The following BCAS3 variants were observed in gnomAD, a reference collection of about 807,000 sequenced individuals.
BCAS3 encodes BCAS3 microtubule associated cell migration factor.
In BCAS3, 53 loss-of-function variants were observed where a neutral mutation model predicts 116.1. The ratio of observed to expected loss-of-function variants is 0.46; its 90% CI spans 0.37 to 0.57. The LOEUF is 0.57. BCAS3 is among the 20% of genes least tolerant of loss of function. The probability of loss-of-function intolerance (pLI) is 0.00; values close to 1 mark genes in which losing one functional copy is unlikely to be tolerated. For missense variants in BCAS3, 917 were observed against 1,165.4 expected (o/e 0.79, Z 3.10); for synonymous variants, 391 against 408.2 (o/e 0.96, Z 0.51).
rs1204457738 is a variant in BCAS3 at position 60,769,154 on chromosome 17, A to G, written c.403+21875A>G. On this transcript the variant is annotated intron_variant, in intron 6 of 23. Transcript: ENST00000407086. ...AAGTCCGTGGATGACATGCTCAGTTACTGTGGGGACTAGACTGGCTGGATG... is the reference window on the plus strand; with the variant it reads ...AAGTCCGTGGATGACATGCTCAGTTGCTGTGGGGACTAGACTGGCTGGATG... 2.0e-5 allele frequency among the ~76,000 whole-genome samples: 3 copies of G among 152,094 alleles called. No homozygotes were observed. The East Asian group carries it at 5.8e-4, about 29-fold the overall frequency.
chr17:60,783,719 C>G (rs998006400), intron 6 of BCAS3, among the ~76,000 whole-genome samples: 2 of 152,142 alleles, frequency 1.3e-5, no homozygotes, highest in Non-Finnish European at 2.9e-5. Context: ...ACAGTTTTCC[C>G]ATCATTAACT....
At chr17:61,221,001 G>T (rs2082077827) in intron 22 of BCAS3, among the ~76,000 whole-genome samples, 1 of 152,218 alleles carries the variant, frequency 6.6e-6, no homozygotes. Flanking sequence ...TTGGGAGGCT[G>T]AGGCAGAAGA....
rs2077151851 is a variant in BCAS3, at chr17:61,145,514, A to G, written c.2425+60950A>G. Among the ~76,000 whole-genome samples the G allele has an allele frequency of 6.6e-6, 1 of 152,178 alleles. No individual in the cohort carries two copies. Among genetic ancestry groups the G allele is most frequent in the East Asian group, 1.9e-4 (1 of 5,184 alleles). On this transcript the variant is annotated intron_variant, in intron 22 of 23. Coordinates refer to ENST00000407086, the MANE Select transcript of BCAS3 (RefSeq NM_017679.5). The surrounding 1 kb of genome is among the most constrained non-coding windows in gnomAD (Gnocchi z 5.0). The stretch of plus-strand genomic sequence containing the variant: ...TCTCTTCACACTCTACTGAGTACAC[A>G]GACTTTGGAGATGAAAAACAGACGG...
chr17:60,922,065 A>G (rs1567874214), intron 12 of BCAS3, among the ~76,000 whole-genome samples: 1 of 152,196 alleles, frequency 6.6e-6, no homozygotes, highest in Non-Finnish European at 1.5e-5. Flanking sequence ...TAGTATATAA[A>G]TACCTAACAA....
intron 6 of BCAS3, among the ~76,000 whole-genome samples, chr17:60,786,681 A>G (rs2046317052): frequency 6.6e-6 from 1 of 152,062 alleles, no homozygotes; most frequent in Admixed American, 6.6e-5. Context: ...TGACTTTGGT[A>G]TGGGAGCCTG....
rs1322779747 is a variant in BCAS3, at chr17:61,354,667, A to C, written c.2426-13660A>C. ...AGGCCAGGCCCAGATCTTCTTCCCAAGGACCCTGCACCTGAAAATCTGGTA... is the reference window on the plus strand; with the variant it reads ...AGGCCAGGCCCAGATCTTCTTCCCACGGACCCTGCACCTGAAAATCTGGTA... On this transcript the variant is annotated intron_variant, in intron 22 of 23. Coordinates refer to ENST00000407086, the MANE Select transcript of BCAS3 (RefSeq NM_017679.5). The surrounding 1 kb of genome is among the most constrained non-coding windows in gnomAD (Gnocchi z 4.5). 2 of 152,214 alleles carry C rather than the reference A, an allele frequency of 1.3e-5. No individual in the cohort carries two copies. Among genetic ancestry groups the C allele is most frequent in the African/African-American group, 2.4e-5 (1 of 41,438 alleles). The allele number at this position is 152,214 out of a possible 1,614,324, so 9.4% of individuals were successfully genotyped here. A position where few individuals can be genotyped will look rare whatever the true frequency, so the allele number is the denominator to read the frequency against.
rs1054237661 is a variant in BCAS3 at position 61,186,837 on chromosome 17, A to C, written c.2425+102273A>C. Among the ~76,000 whole-genome samples the C allele has an allele frequency of 5.1e-4, 78 of 151,956 alleles. 1 individual carries two copies. The highest frequency in any genetic ancestry group is 1.7e-3 in the African/African-American group (72 of 41,356). ...GCCATTCTCTTGCCTCAGCCTCCCA[A>C]GTAGCTGGGAGTACAGGCACCCGCC... is the stretch of plus-strand genomic sequence containing the variant. On this transcript the variant is annotated intron_variant, in intron 22 of 23. Transcript: ENST00000407086. This position sits in a 1 kb window ranked among gnomAD's most constrained non-coding sequence, Gnocchi z 4.9.
chr17:60,920,176 T>A (rs1455931128), intron 12 of BCAS3, among the ~76,000 whole-genome samples: 1 of 152,212 alleles, frequency 6.6e-6, no homozygotes, highest in African/African-American at 2.4e-5. Flanking sequence ...ATACCCTTTT[T>A]GACATCTGCT....
At chr17:61,137,173 T>A (rs924541892) in intron 22 of BCAS3, among the ~76,000 whole-genome samples, 1 of 152,182 alleles carries the variant, frequency 6.6e-6, no homozygotes, top group Non-Finnish European at 1.5e-5. Flanking sequence ...ACTTCAAACC[T>A]GGGAAGTTGA....
At chr17:60,895,851 C>A (rs2057473082) in intron 10 of BCAS3, among the ~76,000 whole-genome samples, 1 of 151,858 alleles carries the variant, frequency 6.6e-6, no homozygotes, top group South Asian at 2.1e-4. Flanking sequence ...GTATTTATTT[C>A]TAGTTTTAGT....
chr17:60,798,667 G>A lies in BCAS3; in HGVS notation c.404-9337G>A, dbSNP rs73990985. Among the ~76,000 whole-genome samples, 422 of 152,282 alleles carry A rather than the reference G, an allele frequency of 2.8e-3. 4 individuals carry two copies. The Middle Eastern group carries it at 0.031, about 11-fold the overall frequency. On this transcript the variant is annotated intron_variant, in intron 6 of 23. Transcript: ENST00000407086. ...AAACATTGTGTGCAGGTTTTTGTGC[G>A]GACAAACGTCTTCAGTTCATTTTCG...
chr17:60,951,798 G>T (rs1464885891), intron 14 of BCAS3, among the ~76,000 whole-genome samples: 1 of 135,680 alleles, frequency 7.4e-6, no homozygotes, highest in Non-Finnish European at 1.5e-5. Flanking sequence ...TTTGGAGACG[G>T]AGTCTCTATC....
chr17:61,222,428 G>A lies in BCAS3; in HGVS notation c.2425+137864G>A, dbSNP rs2082158937. 1.3e-5 allele frequency among the ~76,000 whole-genome samples: 2 copies of A among 152,128 alleles called. No homozygotes were observed. The highest frequency in any genetic ancestry group is 4.1e-4 in the South Asian group (2 of 4,830). ...GAGAGGTGGAGTAGATGGTCTCCAA[G>A]GTAGCTTGTGGTCTAAAATTCTGTA... On this transcript the variant is annotated intron_variant, in intron 22 of 23. Coordinates refer to ENST00000407086, the MANE Select transcript of BCAS3 (RefSeq NM_017679.5). This position sits in a 1 kb window ranked among gnomAD's most constrained non-coding sequence, Gnocchi z 6.1.
intron 13 of BCAS3, among the ~76,000 whole-genome samples, chr17:60,939,610 A>G (rs187752796): frequency 6.6e-6 from 1 of 152,352 alleles, no homozygotes; most frequent in African/African-American, 2.4e-5. Context: ...TAAAACAGGC[A>G]GTATTCATCC....
In BCAS3 at chr17:61,093,675, A is replaced by G. The variant is rs575956958; in HGVS notation, c.2425+9111A>G. On this transcript the variant is annotated intron_variant, in intron 22 of 23. Coordinates refer to ENST00000407086, the MANE Select transcript of BCAS3 (RefSeq NM_017679.5). ...TGCTCCCACATTGTTTATCAAAAAG[A>G]TACGCCTTTCCTATTATGAATTGCA... Among the ~76,000 whole-genome samples, 20 of 152,334 alleles carry G rather than the reference A, an allele frequency of 1.3e-4. No homozygotes were observed. The East Asian group carries it at 3.9e-3, about 29-fold the overall frequency.
chr17:61,216,826 G>A (rs558074970), intron 22 of BCAS3, among the ~76,000 whole-genome samples: 4 of 151,908 alleles, frequency 2.6e-5, no homozygotes, highest in Non-Finnish European at 5.9e-5. Context: ...ACAGGCATGA[G>A]CCACCGTGCC....
rs992051104 is a variant in BCAS3 at position 61,313,848 on chromosome 17, G to A, written c.2426-54479G>A. 1.3e-5 allele frequency among the ~76,000 whole-genome samples: 2 copies of A among 152,202 alleles called. No individual in the cohort carries two copies. The highest frequency in any genetic ancestry group is 2.9e-5 in the Non-Finnish European group (2 of 68,038). ...GAGCTCAAGCAAGAGATGTTTCAAT[G>A]CCGCGGAGCCAGTGACCACACGTGG... On this transcript the variant is annotated intron_variant, in intron 22 of 23. Coordinates refer to ENST00000407086, the MANE Select transcript of BCAS3 (RefSeq NM_017679.5). This position sits in a 1 kb window ranked among gnomAD's most constrained non-coding sequence, Gnocchi z 4.3.
At position 61,204,324 on chromosome 17, in the gene BCAS3, G is replaced by A. The variant is rs1211423386; in HGVS notation, c.2425+119760G>A. Among the ~76,000 whole-genome samples, 1 of 152,178 alleles carries A rather than the reference G, an allele frequency of 6.6e-6. No individual in the cohort carries two copies. The highest frequency in any genetic ancestry group is 1.5e-5 in the Non-Finnish European group (1 of 68,044). ...CTGCATTTCTATAAATAGAATGAAG[G>A]TCATGTGAACGAGTTCAGAAGATTC... On this transcript the variant is annotated intron_variant, in intron 22 of 23. Transcript: ENST00000407086. This position sits in a 1 kb window ranked among gnomAD's most constrained non-coding sequence, Gnocchi z 4.2.
intron 4 of BCAS3, among the ~76,000 whole-genome samples, chr17:60,708,635 A>G (rs2037479527): frequency 6.6e-6 from 1 of 151,950 alleles, no homozygotes. Flanking sequence ...GGTTCAAGAG[A>G]TTCTTGTGCC....
Sources: allele counts gnomAD v4.1 joint callset (sites outside exome capture counted in the v4.1 genomes callset), GRCh38; gene constraint gnomAD v4.1.1; non-coding constraint Gnocchi (gnomAD v3.1); transcripts MANE v1.5; gene names NCBI Gene and HGNC (gene_info 2026-07-23, HGNC 2026-07-21).